FAT3: variants seen among roughly 807,000 people sequenced by gnomAD.
FAT3 encodes protocadherin Fat 3.
Under a neutral mutation model 310.2 loss-of-function variants are expected in FAT3, and 95 were observed. That is an observed-to-expected ratio of 0.31 (90% CI 0.26 to 0.36). The LOEUF (loss-of-function observed/expected upper bound fraction) is 0.36, where lower values mean the gene tolerates loss of function less well. Ranked by LOEUF, FAT3 falls within the 10% of genes least tolerant of loss-of-function variation. FAT3 has a pLI of 1.00. For synonymous variants in FAT3, 2,314 were observed against 2,192.9 expected (o/e 1.06, Z -1.54); for missense variants, 5,408 against 5,715.6 (o/e 0.95, Z 1.74).
Position 92,866,698 on chromosome 11 carries a change from A to G in FAT3, c.11659-43A>G, listed in dbSNP as rs1236355117. ...AGCAGGGTGTAGGGAACATATTCCC[A>G]GTTGCATGTTGAAAAGTGCTGCACT... On this transcript the variant is annotated intron_variant, in intron 21 of 27. Coordinates refer to ENST00000525166, the MANE Select transcript of FAT3 (RefSeq NM_001367949.2). 2.6e-6 allele frequency: 4 copies of G among 1,550,380 alleles called. No homozygotes were observed. The Admixed American group carries it at 7.1e-5, about 27-fold the overall frequency.
intron 3 of FAT3, among the ~76,000 whole-genome samples, chr11:92,584,385 T>C (rs1361745493): frequency 2.0e-5 from 3 of 152,074 alleles, no homozygotes; most frequent in Non-Finnish European, 2.9e-5. Flanking sequence ...TAGAATTAAT[T>C]GAAGTGGTTT....
chr11:92,438,203 T>G (rs1025443316), intron 2 of FAT3, among the ~76,000 whole-genome samples: 3 of 152,206 alleles, frequency 2.0e-5, no homozygotes, highest in African/African-American at 7.2e-5. Flanking sequence ...AAAGACATGT[T>G]AAATAATTTC....
In FAT3 at chr11:92,798,006, G is replaced by A. The variant is rs780895737; in HGVS notation, c.4993G>A (p.Asp1665Asn). ...AIVRISVTMS[D>N]NSHPKFIHKD... is the part of the protein sequence containing the mutation. Reference sequence around the variant, plus strand: ...TGTGCGCATTTCCGTCACCATGTCTGACAATTCTCACCCCAAGTTCATTCA... The same window carrying A: ...TGTGCGCATTTCCGTCACCATGTCTAACAATTCTCACCCCAAGTTCATTCA... Residue 1665 changes from aspartate to asparagine, a missense_variant, in exon 10 of 28, where the codon GAC becomes AAC. By Grantham distance (23) the Asp-to-Asn change is conservative. Around this residue, in one of 5 missense-constraint regions of FAT3, gnomAD observed 4,588 missense variants for 4,809.8 expected, o/e 0.95. Transcript: ENST00000525166. 6.2e-7 allele frequency: 1 copy of A among 1,613,888 alleles called. No individual in the cohort carries two copies.
chr11:92,839,944 T>G (rs1948495322), intron 17 of FAT3, among the ~76,000 whole-genome samples: 1 of 152,218 alleles, frequency 6.6e-6, no homozygotes, highest in Non-Finnish European at 1.5e-5. Flanking sequence ...AGGATTCCTG[T>G]TCTGTTCATT....
At chr11:92,480,786 A>G (rs1321329716) in intron 2 of FAT3, among the ~76,000 whole-genome samples, 2 of 152,156 alleles carry the variant, frequency 1.3e-5, no homozygotes, top group Non-Finnish European at 2.9e-5. Flanking sequence ...GCTTTAGTGG[A>G]ATACTTCCAT....
rs1294805516 is a variant in FAT3 at position 92,895,345 on chromosome 11, TGG to T, written c.*4235_*4236del. The T allele has an allele frequency of 6.6e-6, 1 of 152,244 alleles. No homozygotes were observed. The highest frequency in any genetic ancestry group is 1.9e-4 in the East Asian group (1 of 5,204). 9.4% of individuals were successfully genotyped at this position (152,244 alleles called of 1,614,324 possible). Reference sequence around the variant, plus strand: ...CTTTGAGCTTCTGGTTGTGTAATGCTGGGGTTTAAAGTCACCATTTGTGGGTT... The same window carrying T: ...CTTTGAGCTTCTGGTTGTGTAATGCTGGTTTAAAGTCACCATTTGTGGGTT... On this transcript the variant is annotated 3_prime_UTR_variant, in exon 28 of 28. Transcript: ENST00000525166.
intron 2 of FAT3, among the ~76,000 whole-genome samples, chr11:92,372,875 T>A (rs1359644896): frequency 6.6e-6 from 1 of 152,066 alleles, no homozygotes; most frequent in Non-Finnish European, 1.5e-5. Context: ...TTAGCCAGGA[T>A]GGTCTGGATC....
chr11:92,865,799 A>G (rs562008094), intron 21 of FAT3, among the ~76,000 whole-genome samples: 1 of 152,370 alleles, frequency 6.6e-6, no homozygotes, highest in East Asian at 1.9e-4. Context: ...GCTCTCTGCC[A>G]GCAAGGATCC....
intron 2 of FAT3, among the ~76,000 whole-genome samples, chr11:92,377,277 T>C (rs949156489): frequency 3.3e-5 from 5 of 152,216 alleles, no homozygotes; most frequent in African/African-American, 4.8e-5. Flanking sequence ...AATAAAAATA[T>C]CCAATGGGTT....
chr11:92,387,733 C>A (rs935455469), intron 2 of FAT3, among the ~76,000 whole-genome samples: 2 of 152,050 alleles, frequency 1.3e-5, no homozygotes, highest in African/African-American at 4.8e-5. Flanking sequence ...CGAGAAGATC[C>A]TGTATAAGTG....
chr11:92,755,580 C>T (rs1352192159), intron 4 of FAT3, among the ~76,000 whole-genome samples: 5 of 152,132 alleles, frequency 3.3e-5, no homozygotes, highest in Non-Finnish European at 5.9e-5. Flanking sequence ...GTAATATATA[C>T]GTTAATTAAC....
chr11:92,518,175 A>G (rs922112217), intron 2 of FAT3, among the ~76,000 whole-genome samples: 6 of 152,170 alleles, frequency 3.9e-5, no homozygotes, highest in African/African-American at 1.2e-4. Context: ...TATATACCCA[A>G]AGGATTATAA....
Position 92,554,793 on chromosome 11 carries a change from C to T in FAT3, c.3607+29845C>T, listed in dbSNP as rs188008191. On this transcript the variant is annotated intron_variant, in intron 3 of 27. Coordinates refer to ENST00000525166, the MANE Select transcript of FAT3 (RefSeq NM_001367949.2). ...ACCGTGTGCTATCTGTGTCATGGTG[C>T]GTTGTTGCCAGTCTCTTTGATGGCC... Among the ~76,000 whole-genome samples, 284 of 152,206 alleles carry T rather than the reference C, an allele frequency of 1.9e-3. 1 individual carries two copies. The highest frequency in any genetic ancestry group is 9.9e-3 in the Admixed American group (152 of 15,284).
rs188989543 is a variant in FAT3 at position 92,802,087 on chromosome 11, C to T, written c.8896+178C>T. 1.2e-3 allele frequency among the ~76,000 whole-genome samples: 190 copies of T among 152,254 alleles called. 2 individuals are homozygous for T. The highest frequency in any genetic ancestry group is 3.9e-3 in the African/African-American group (164 of 41,554). ...TGCGTTTTTTGCTTGTTGGCTGTTGCTAACTCAGCCTTAGTTTGGAGTTCA... is the reference window on the plus strand; with the variant it reads ...TGCGTTTTTTGCTTGTTGGCTGTTGTTAACTCAGCCTTAGTTTGGAGTTCA... On this transcript the variant is annotated intron_variant, in intron 10 of 27. Coordinates refer to ENST00000525166, the MANE Select transcript of FAT3 (RefSeq NM_001367949.2).
chr11:92,482,988 A>T (rs1443776715), intron 2 of FAT3, among the ~76,000 whole-genome samples: 1 of 152,244 alleles, frequency 6.6e-6, no homozygotes, highest in Admixed American at 6.5e-5. Flanking sequence ...AAGAAAAATT[A>T]CTGCATGTAC....
chr11:92,675,234 TTTAGAGAGCATCTCA>T (rs1182376349), intron 3 of FAT3, among the ~76,000 whole-genome samples: 3 of 152,184 alleles, frequency 2.0e-5, no homozygotes, highest in Admixed American at 6.5e-5. Context: ...TCTTCTTAGT[TTTAGAGAGCATCTCA>T]TCTGTGCAAT....
chr11:92,842,490 A>G (rs188353511), intron 18 of FAT3, among the ~76,000 whole-genome samples: 1 of 152,224 alleles, frequency 6.6e-6, no homozygotes, highest in Non-Finnish European at 1.5e-5. Flanking sequence ...CTCATCTGCT[A>G]AAGTTATATC....
intron 1 of FAT3, among the ~76,000 whole-genome samples, chr11:92,311,859 C>T (rs1307045647): frequency 6.6e-6 from 1 of 152,154 alleles, no homozygotes; most frequent in African/African-American, 2.4e-5. Flanking sequence ...AATGTGTCAG[C>T]AGGAGGGCTT....
In FAT3 at chr11:92,300,597, C is replaced by G. The variant is rs577321329; in HGVS notation, c.-17-51499C>G. Among the ~76,000 whole-genome samples, 17 of 152,262 alleles carry G rather than the reference C, an allele frequency of 1.1e-4. No homozygotes were observed. The East Asian group carries it at 2.3e-3, about 21-fold the overall frequency. On this transcript the variant is annotated intron_variant, in intron 1 of 27. Coordinates refer to ENST00000525166, the MANE Select transcript of FAT3 (RefSeq NM_001367949.2). ...ACAATCTTATCTAAAATAGACCCTT[C>G]TCTTTGTCTAAGTCTCTCTTGATCA...
Sources: gnomAD v4.1 joint callset for allele counts (sites outside exome capture counted in the v4.1 genomes callset) on GRCh38, gnomAD v4.1.1 for gene constraint, gnomAD v4.1.1 regional missense constraint, MANE v1.5 for transcripts, NCBI Gene and HGNC (gene_info 2026-07-23, HGNC 2026-07-21) for gene names.